The following NGLY1 variants were observed in gnomAD, a reference collection of about 807,000 sequenced individuals.
NGLY1 encodes peptide-N(4)-(N-acetyl-beta-glucosaminyl)asparagine amidase.
NGLY1 carries 68 observed loss-of-function variants against 84.6 expected under a neutral mutation model. The ratio of observed to expected loss-of-function variants is 0.80; its 90% CI spans 0.66 to 0.98. NGLY1 has a LOEUF of 0.98. Ranked by LOEUF, NGLY1 falls within the 50% of genes least tolerant of loss-of-function variation. NGLY1 has a pLI of 0.00. For synonymous variants in NGLY1, 280 were observed against 275.2 expected (o/e 1.02, Z -0.17); for missense variants, 779 against 770.2 (o/e 1.01, Z -0.14).
chr3:25,769,594 G>A (rs958999290), intron 2 of NGLY1, among the ~76,000 whole-genome samples: 3 of 152,068 alleles, frequency 2.0e-5, no homozygotes, highest in African/African-American at 7.2e-5. Context: ...TACATTCCTA[G>A]TGGGTATACA....
chr3:25,736,416 A>G, intron 6 of NGLY1: 1 of 1,528,554 alleles, frequency 6.5e-7, no homozygotes, highest in Non-Finnish European at 8.9e-7. Context: ...GAAGGTAGAC[A>G]TATTAAAGAG....
At chr3:25,739,497 T>TA in intron 5 of NGLY1, 80 bp downstream of exon 5, 14 of 1,339,336 alleles carry the variant, frequency 1.0e-5, no homozygotes, top group Non-Finnish European at 1.4e-5. Flanking sequence ...AATTAAATAT[T>TA]AAAAAGTTCA....
At chr3:25,735,189 C>T (rs1705754354) in intron 7 of NGLY1, 1 of 152,032 alleles carries the variant, frequency 6.6e-6, no homozygotes, top group Non-Finnish European at 1.5e-5. Flanking sequence ...CATCAAAAAG[C>T]ACAATCCATA....
rs552280432 is a variant in NGLY1, at chr3:25,736,160, A to G, written c.1004-11T>C. The G allele has an allele frequency of 6.2e-7, 1 of 1,607,886 alleles. No homozygotes were observed. The highest frequency in any genetic ancestry group is 1.1e-5 in the South Asian group (1 of 90,066). ...CTGTCCAGACATGGTCTACTCAAGT[A>G]AGAGAAAAGAGAGCAATGGAAAAAA... On this transcript the variant is annotated splice_polypyrimidine_tract_variant and intron_variant, in intron 6 of 11. Transcript: ENST00000280700.
intron 4 of NGLY1, among the ~76,000 whole-genome samples, chr3:25,740,502 G>T (rs1213662943): frequency 6.6e-6 from 1 of 151,798 alleles, no homozygotes; most frequent in Non-Finnish European, 1.5e-5. Flanking sequence ...ATATATAGGG[G>T]GTTCTCATCT....
Position 25,745,422 on chromosome 3 carries a change from C to T in NGLY1, c.659-5623G>A, listed in dbSNP as rs968665135. Among the ~76,000 whole-genome samples, 9 of 152,178 alleles carry T rather than the reference C, an allele frequency of 5.9e-5. No individual in the cohort carries two copies. In the South Asian group the frequency reaches 6.2e-4, roughly 11 times the overall value. On this transcript the variant is annotated intron_variant, in intron 4 of 11. Transcript: ENST00000280700. Reference sequence around the variant, plus strand: ...TGTATTTCAAGGCTTGACTTCTTATCGAATTTCCAGGCCTATGTTTTCACT... The same window carrying T: ...TGTATTTCAAGGCTTGACTTCTTATTGAATTTCCAGGCCTATGTTTTCACT...
intron 10 of NGLY1, among the ~76,000 whole-genome samples, chr3:25,722,969 G>A (rs1462573195): frequency 6.6e-6 from 1 of 152,132 alleles, no homozygotes; most frequent in African/African-American, 2.4e-5. Flanking sequence ...AAGACTTAAG[G>A]AAAGTAATCT....
chr3:25,760,237 C>A (rs1707241774), intron 3 of NGLY1, among the ~76,000 whole-genome samples: 1 of 151,972 alleles, frequency 6.6e-6, no homozygotes, highest in Non-Finnish European at 1.5e-5. Flanking sequence ...TGTGTATGGC[C>A]TTCCAAACCT....
intron 2 of NGLY1, among the ~76,000 whole-genome samples, chr3:25,773,258 A>C (rs1707984787): frequency 6.6e-6 from 1 of 152,106 alleles, no homozygotes; most frequent in Non-Finnish European, 1.5e-5. Context: ...TTCCTCTGGA[A>C]CACTAATTAT....
At chr3:25,748,404 A>T (rs1166360632) in intron 4 of NGLY1, among the ~76,000 whole-genome samples, 9 of 152,182 alleles carry the variant, frequency 5.9e-5, no homozygotes, top group Non-Finnish European at 1.2e-4. Flanking sequence ...AGGAATTTGA[A>T]GCCTCTGATA....
chr3:25,770,797 C>T (rs539164330), intron 2 of NGLY1, among the ~76,000 whole-genome samples: 1 of 152,284 alleles, frequency 6.6e-6, no homozygotes, highest in East Asian at 1.9e-4. Context: ...ATTTGCATTT[C>T]CCTGATAAAG....
At chr3:25,765,942 G>C (rs1475664603) in intron 2 of NGLY1, among the ~76,000 whole-genome samples, 1 of 151,734 alleles carries the variant, frequency 6.6e-6, no homozygotes, top group Admixed American at 6.6e-5. Context: ...TTTTGCCCAG[G>C]CTGGTCTCAA....
intron 10 of NGLY1, among the ~76,000 whole-genome samples, chr3:25,724,097 C>A (rs915711117): frequency 6.6e-6 from 1 of 152,216 alleles, no homozygotes; most frequent in African/African-American, 2.4e-5. Flanking sequence ...GAACAATTTG[C>A]ATGTTGGCTT....
chr3:25,755,298 A>T, intron 3 of NGLY1: 1 of 1,364,844 alleles, frequency 7.3e-7, no homozygotes, highest in South Asian at 1.2e-5. Context: ...ACAGCTCCAA[A>T]CTATAGGCTG....
At chr3:25,739,382 G>A (rs1706009684) in intron 5 of NGLY1, among the ~76,000 whole-genome samples, 195 bp downstream of exon 5, 5 of 152,130 alleles carry the variant, frequency 3.3e-5, no homozygotes, top group Admixed American at 3.3e-4. Context: ...AAATCAGCAT[G>A]GTTATGTTCT....
intron 10 of NGLY1, among the ~76,000 whole-genome samples, chr3:25,726,848 C>T (rs1705290629): frequency 6.6e-6 from 1 of 152,170 alleles, no homozygotes. Context: ...GCGTACTGGT[C>T]TTCTTGATTT....
At chr3:25,747,276 C>G (rs1369438224) in intron 4 of NGLY1, among the ~76,000 whole-genome samples, 1 of 152,104 alleles carries the variant, frequency 6.6e-6, no homozygotes, top group Non-Finnish European at 1.5e-5. Flanking sequence ...TATAAGTCAT[C>G]ATATAAAGGA....
intron 2 of NGLY1, among the ~76,000 whole-genome samples, chr3:25,772,886 A>C (rs1707966360): frequency 1.3e-5 from 2 of 152,172 alleles, no homozygotes; most frequent in Non-Finnish European, 1.5e-5. Flanking sequence ...TTCATTTATG[A>C]AGCTTAGTTT....
At chr3:25,785,781 A>G (rs557477325), upstream of NGLY1, among the ~76,000 whole-genome samples, 5 of 152,384 alleles carry the variant, frequency 3.3e-5, no homozygotes, top group Admixed American at 2.6e-4. Context: ...GAAAGCTGTC[A>G]GCTAAGGCTT....
Sources: allele counts gnomAD v4.1 joint callset (sites outside exome capture counted in the v4.1 genomes callset), GRCh38; gene constraint gnomAD v4.1.1; transcripts MANE v1.5; gene names NCBI Gene and HGNC (gene_info 2026-07-23, HGNC 2026-07-21).